CALHM1: variants seen among roughly 807,000 people sequenced by gnomAD.
CALHM1 encodes calcium homeostasis modulator 1, also known as calcium homeostasis modulator protein 1.
In CALHM1, 11 loss-of-function variants were observed where a neutral mutation model predicts 14.8. The observed-to-expected ratio is 0.74, with a 90% CI of 0.47 to 1.23. The LOEUF (loss-of-function observed/expected upper bound fraction) is 1.23. CALHM1 is among the 50% of genes most tolerant of loss of function. CALHM1 has a pLI of 0.00. For missense variants in CALHM1, 458 were observed against 496.4 expected, an observed-to-expected ratio of 0.92 and a Z score of 0.74; for synonymous variants, 215 against 218.9, an observed-to-expected ratio of 0.98 and a Z score of 0.16.
At position 103,455,358 on chromosome 10, in the gene CALHM1, C is replaced by T; in HGVS notation, c.945G>A (p.Leu315=). Residue 315 remains leucine (L), a synonymous_variant, in exon 2 of 2, where the codon CTG becomes CTA. Transcript: ENST00000329905. ...SWHKCKPPLR[L]GQEEPPLMGN... The stretch of plus-strand genomic sequence containing the variant: ...CCATCAGCGGTGGCTCCTCCTGGCC[C>T]AGCCGCAGAGGCGGTTTGCATTTGT... 1 of 1,613,812 alleles carries T rather than the reference C, an allele frequency of 6.2e-7. No individual in the cohort carries two copies. Among genetic ancestry groups the T allele is most frequent in the Non-Finnish European group, 8.5e-7 (1 of 1,180,028 alleles).
In CALHM1 at chr10:103,458,731, C is replaced by A. The variant is rs774659797; in HGVS notation, c.21G>T (p.Met7Ile). The A allele has an allele frequency of 2.1e-5, 34 of 1,611,716 alleles. No homozygotes were observed. The Middle Eastern group carries it at 6.6e-4, about 31-fold the overall frequency. Residue 7 changes from methionine (M) to isoleucine (I), a missense_variant, in exon 1 of 2, where the codon ATG (methionine) becomes ATT (isoleucine). Met to Ile is a conservative substitution (Grantham distance 10, BLOSUM62 1). Coordinates refer to ENST00000329905, the MANE Select transcript of CALHM1 (RefSeq NM_001001412.4). This position sits in a 1 kb window ranked among gnomAD's most constrained non-coding sequence, Gnocchi z 4.9. ...GGTTGGACTGCAGGAACTGGAAGAT[C>A]ATCCGGAACTTGTCCATCATGCCCG... MMDKFR[M>I]IFQFLQSNQE... is the part of the protein sequence containing the mutation.
chr10:103,455,991 C>A (rs2033146348), intron 1 of CALHM1, among the ~76,000 whole-genome samples: 1 of 152,232 alleles, frequency 6.6e-6, no homozygotes, highest in Admixed American at 6.5e-5. Context: ...TGGCGGGGCA[C>A]CCAGGGCCCA....
In CALHM1 at chr10:103,454,546, G is replaced by A. The variant is rs900446769; in HGVS notation, c.*716C>T. On this transcript the variant is annotated 3_prime_UTR_variant, in exon 2 of 2. Transcript: ENST00000329905. The stretch of plus-strand genomic sequence containing the variant: ...ACCTGGATGTGACGGGGGTATTAAG[G>A]TGGTTTTTCAAAGACCCCTCTACAG... 1 of 152,198 alleles carries A rather than the reference G, an allele frequency of 6.6e-6. No homozygotes were observed. The highest frequency in any genetic ancestry group is 2.4e-5 in the African/African-American group (1 of 41,448). 9.4% of individuals were successfully genotyped at this position (152,198 alleles called of 1,614,324 possible).
Position 103,455,428 on chromosome 10 carries a change from C to T in CALHM1, c.875G>A (p.Gly292Asp), listed in dbSNP as rs2033134186. The change falls in exon 2 of 2, where the codon GGC becomes GAC. Residue 292 changes from glycine (G) to aspartate (D), a missense_variant. Physicochemically the swap from Gly to Asp is moderately conservative, Grantham distance 94. Transcript: ENST00000329905. Reference sequence around the variant, plus strand: ...GTTCATGGTGCCTTGATCCGTGATGCCACGCAGCTTCTCCCTTTCCTCCTC... The same window carrying T: ...GTTCATGGTGCCTTGATCCGTGATGTCACGCAGCTTCTCCCTTTCCTCCTC... ...GAEEEREKLR[G>D]ITDQGTMNRL... The T allele has an allele frequency of 4.3e-6, 7 of 1,613,912 alleles. No homozygotes were observed. Among genetic ancestry groups the T allele is most frequent in the African/African-American group, 1.3e-5 (1 of 74,954 alleles).
In CALHM1 at chr10:103,458,121, G is replaced by T; in HGVS notation, c.555+76C>A. ...CCTGAGCAGAGGCCCCATTTTGAGA[G>T]GTAGGGGGATAGGGCCCTCCCAGAG... On this transcript the variant is annotated intron_variant, in intron 1 of 1. Transcript: ENST00000329905. This position sits in a 1 kb window ranked among gnomAD's most constrained non-coding sequence, Gnocchi z 4.9. 1 of 1,528,026 alleles carries T rather than the reference G, an allele frequency of 6.5e-7. No individual in the cohort carries two copies. The highest frequency in any genetic ancestry group is 1.2e-5 in the South Asian group (1 of 86,520). The allele number at this position is 1,528,026 out of a possible 1,614,324, so 94.7% of individuals were successfully genotyped here. A position where few individuals can be genotyped will look rare whatever the true frequency, so the allele number is the denominator to read the frequency against.
rs900838996 is a variant in CALHM1 at position 103,453,970 on chromosome 10, C to T, written c.*1292G>A. Reference sequence around the variant, plus strand: ...GAATCATGCCAAGATCAAAATGAATCCTTAGATGCTTGGGACTTATGTCTC... The same window carrying T: ...GAATCATGCCAAGATCAAAATGAATTCTTAGATGCTTGGGACTTATGTCTC... On this transcript the variant is annotated 3_prime_UTR_variant, in exon 2 of 2. Coordinates refer to ENST00000329905, the MANE Select transcript of CALHM1 (RefSeq NM_001001412.4). 6.6e-6 allele frequency: 1 copy of T among 152,222 alleles called. No individual in the cohort carries two copies. Among genetic ancestry groups the T allele is most frequent in the Non-Finnish European group, 1.5e-5 (1 of 68,052 alleles). 9.4% of individuals were successfully genotyped at this position (152,222 alleles called of 1,614,324 possible).
Position 103,454,749 on chromosome 10 carries a change from CT to C in CALHM1, c.*512del, listed in dbSNP as rs1403324729. The C allele has an allele frequency of 6.2e-6, 1 of 160,502 alleles. No homozygotes were observed. Among genetic ancestry groups the C allele is most frequent in the African/African-American group, 2.4e-5 (1 of 41,532 alleles). 9.9% of individuals were successfully genotyped at this position (160,502 alleles called of 1,614,324 possible). A position where few individuals can be genotyped will look rare whatever the true frequency, so the allele number is the denominator to read the frequency against. On this transcript the variant is annotated 3_prime_UTR_variant, in exon 2 of 2. Transcript: ENST00000329905. ...CACCAGGTAGGCTGTGTGTCATGTCCTTATGGACCTGCCCCGGCACACCCAG... is the reference window on the plus strand; with the variant it reads ...CACCAGGTAGGCTGTGTGTCATGTCCTATGGACCTGCCCCGGCACACCCAG...
In CALHM1 at chr10:103,458,198, T is replaced by G. The variant is rs1468983275; in HGVS notation, c.554A>C (p.Gln185Pro). Residue 185 changes from glutamine (Q) to proline (P), a missense_variant and splice_region_variant, in exon 1 of 2, where the codon CAG becomes CCG. Coordinates refer to ENST00000329905, the MANE Select transcript of CALHM1 (RefSeq NM_001001412.4). This position sits in a 1 kb window ranked among gnomAD's most constrained non-coding sequence, Gnocchi z 4.9. ...GCGTGAAGCCATGCGGCCCCTCACC[T>G]GGGAGATGCAGCGGAGGTAACGCAC... Reference protein sequence around the residue: ...VAVRYLRCISQALGWSFVLLT... With the variant: ...VAVRYLRCISPALGWSFVLLT... 3.1e-6 allele frequency: 5 copies of G among 1,612,326 alleles called. No homozygotes were observed. Among genetic ancestry groups the G allele is most frequent in the African/African-American group, 1.3e-5 (1 of 74,906 alleles).
Position 103,458,692 on chromosome 10 carries a change from C to A in CALHM1, c.60G>T (p.Met20Ile), listed in dbSNP as rs2033187600. The change falls in exon 1 of 2, where the codon ATG becomes ATT. Residue 20 changes from methionine to isoleucine, a missense_variant. Transcript: ENST00000329905. The surrounding 1 kb of genome is among the most constrained non-coding windows in gnomAD (Gnocchi z 4.9). ...GGGCCATGATGCCACAGATGCCATT[C>A]ATGAAGGACTCCTGGTTGGACTGCA... is the stretch of plus-strand genomic sequence containing the variant. The part of the protein sequence containing the change: ...QFLQSNQESF[M>I]NGICGIMALA... 11 of 1,614,012 alleles carry A rather than the reference C, an allele frequency of 6.8e-6. No homozygotes were observed. In the Middle Eastern group the frequency reaches 4.9e-4, roughly 72 times the overall value.
At position 103,458,332 on chromosome 10, in the gene CALHM1, G is replaced by A. The variant is rs370553024; in HGVS notation, c.420C>T (p.Asn140=). 2.1e-4 allele frequency: 344 copies of A among 1,610,972 alleles called. 1 individual carries two copies. The highest frequency in any genetic ancestry group is 1.0e-3 in the East Asian group (45 of 44,826). Residue 140 remains asparagine, a synonymous_variant, in exon 1 of 2, where the codon AAC becomes AAT. Transcript: ENST00000329905. The surrounding 1 kb of genome is among the most constrained non-coding windows in gnomAD (Gnocchi z 4.9). ...CTAVPVSALG[N]GSLAPGLPAP... The stretch of plus-strand genomic sequence containing the variant: ...CAGGAAGGCCGGGTGCCAGGCTGCC[G>A]TTGCCCAGTGCGCTCACGGGCACGG...
In CALHM1 at chr10:103,458,554, C is replaced by T. The variant is rs750075778; in HGVS notation, c.198G>A (p.Leu66=). The change falls in exon 1 of 2, where the codon CTG becomes CTA. Residue 66 remains leucine, a synonymous_variant. Transcript: ENST00000329905. The surrounding 1 kb of genome is among the most constrained non-coding windows in gnomAD (Gnocchi z 4.9). ...CGTTGTTGTTCATGACCAGGCCAAG[C>T]AGAAAGAGCACCAGGGGTGGCGCCA... ...ILLAPPLVLF[L]LGLVMNNNVS... The T allele has an allele frequency of 9.3e-6, 15 of 1,613,722 alleles. No homozygotes were observed. The highest frequency in any genetic ancestry group is 1.3e-5 in the Non-Finnish European group (15 of 1,180,048).
chr10:103,457,170 A>C (rs1230487499), intron 1 of CALHM1, among the ~76,000 whole-genome samples: 1 of 152,234 alleles, frequency 6.6e-6, no homozygotes, highest in Non-Finnish European at 1.5e-5. Flanking sequence ...AGGCCAAATG[A>C]AACATGTATA....
Position 103,458,133 on chromosome 10 carries a change from G to T in CALHM1, c.555+64C>A. On this transcript the variant is annotated intron_variant, in intron 1 of 1. Transcript: ENST00000329905. This position sits in a 1 kb window ranked among gnomAD's most constrained non-coding sequence, Gnocchi z 4.9. ...CCCCATTTTGAGAGGTAGGGGGATA[G>T]GGCCCTCCCAGAGGGACCTTGATCT... The T allele has an allele frequency of 6.4e-7, 1 of 1,573,732 alleles. No homozygotes were observed. Among genetic ancestry groups the T allele is most frequent in the Non-Finnish European group, 8.7e-7 (1 of 1,155,018 alleles).
Position 103,455,110 on chromosome 10 carries a change from C to T in CALHM1, c.*152G>A. 1 of 1,191,294 alleles carries T rather than the reference C, an allele frequency of 8.4e-7. No homozygotes were observed. Among genetic ancestry groups the T allele is most frequent in the Non-Finnish European group, 1.1e-6 (1 of 877,094 alleles). The allele number at this position is 1,191,294 out of a possible 1,614,324, so 73.8% of individuals were successfully genotyped here. A position where few individuals can be genotyped will look rare whatever the true frequency, so the allele number is the denominator to read the frequency against. On this transcript the variant is annotated 3_prime_UTR_variant, in exon 2 of 2. Transcript: ENST00000329905. ...AGATCCCCTTCCAGCTCCAAATTTC[C>T]TGCCTCCAATGGGCAGGCGAGTGCT...
rs768566602 is a variant in CALHM1, at chr10:103,455,588, C to T, written c.715G>A (p.Ala239Thr). The T allele has an allele frequency of 1.2e-5, 20 of 1,613,996 alleles. No homozygotes were observed. The highest frequency in any genetic ancestry group is 2.2e-5 in the South Asian group (2 of 91,082). ...KLFDETCTEH[A>T]KAFAKVCIQQ... ...ATGCAGACCTTGGCAAAGGCTTTGG[C>T]GTGCTCCGTGCACGTCTCGTCGAAG... Residue 239 changes from alanine (A) to threonine (T), a missense_variant, in exon 2 of 2, where the codon GCC (alanine) becomes ACC (threonine). Ala to Thr is a moderately conservative substitution (Grantham distance 58). Coordinates refer to ENST00000329905, the MANE Select transcript of CALHM1 (RefSeq NM_001001412.4).
chr10:103,458,279 C>A lies in CALHM1; in HGVS notation c.473G>T (p.Arg158Leu). The A allele has an allele frequency of 6.2e-7, 1 of 1,612,554 alleles. No homozygotes were observed. The highest frequency in any genetic ancestry group is 1.1e-5 in the South Asian group (1 of 91,048). ...ATCGTAGATCTCAGGGCAGGGCACC[C>A]GGGCCAGCAGGCGGGCGAGCTCGGG... ...PAPELARLLARVPCPEIYDGD... is the reference protein window; with the variant it reads ...PAPELARLLALVPCPEIYDGD... Residue 158 changes from arginine to leucine, a missense_variant, in exon 1 of 2, where the codon CGG becomes CTG. By Grantham distance (102) the Arg-to-Leu change is moderately radical. Transcript: ENST00000329905. The surrounding 1 kb of genome is among the most constrained non-coding windows in gnomAD (Gnocchi z 4.9).
chr10:103,458,163 G>T lies in CALHM1; in HGVS notation c.555+34C>A. ...CTCCCAGAGGGACCTTGATCTGCCA[G>T]GGAGACCCAGCGTGAAGCCATGCGG... On this transcript the variant is annotated intron_variant, in intron 1 of 1. Coordinates refer to ENST00000329905, the MANE Select transcript of CALHM1 (RefSeq NM_001001412.4). The surrounding 1 kb of genome is among the most constrained non-coding windows in gnomAD (Gnocchi z 4.9). 1 of 1,608,830 alleles carries T rather than the reference G, an allele frequency of 6.2e-7. No individual in the cohort carries two copies. Among genetic ancestry groups the T allele is most frequent in the Non-Finnish European group, 8.5e-7 (1 of 1,178,888 alleles).
chr10:103,454,442 G>A lies in CALHM1; in HGVS notation c.*820C>T, dbSNP rs754806278. 3.9e-5 allele frequency: 6 copies of A among 152,222 alleles called. No individual in the cohort carries two copies. Among genetic ancestry groups the A allele is most frequent in the Non-Finnish European group, 7.3e-5 (5 of 68,046 alleles). 9.4% of individuals were successfully genotyped at this position (152,222 alleles called of 1,614,324 possible). On this transcript the variant is annotated 3_prime_UTR_variant, in exon 2 of 2. Coordinates refer to ENST00000329905, the MANE Select transcript of CALHM1 (RefSeq NM_001001412.4). The stretch of plus-strand genomic sequence containing the variant: ...TAGAACTCCATCCCCAAGAGGTGGG[G>A]TCTTTGAGAAAAATGGAGAGACTTC...
Position 103,458,419 on chromosome 10 carries a change from A to G in CALHM1, c.333T>C (p.Pro111=). ...GTAGCGTGACGGCCACCCAGACGAC[A>G]GGCGCGATGAGGGCGCGCTGGGCCA... is the stretch of plus-strand genomic sequence containing the variant. ...CSMAQRALIA[P]VVWVAVTLLD... is the part of the protein sequence containing the mutation. The change falls in exon 1 of 2, where the codon CCT becomes CCC. Residue 111 remains proline, a synonymous_variant. Coordinates refer to ENST00000329905, the MANE Select transcript of CALHM1 (RefSeq NM_001001412.4). The surrounding 1 kb of genome is among the most constrained non-coding windows in gnomAD (Gnocchi z 4.9). 6.2e-7 allele frequency: 1 copy of G among 1,609,430 alleles called. No homozygotes were observed. The highest frequency in any genetic ancestry group is 8.5e-7 in the Non-Finnish European group (1 of 1,177,152).
Sources: allele counts gnomAD v4.1 joint callset (sites outside exome capture counted in the v4.1 genomes callset), GRCh38; gene constraint gnomAD v4.1.1; non-coding constraint Gnocchi (gnomAD v3.1); transcripts MANE v1.5; gene names NCBI Gene and HGNC (gene_info 2026-07-23, HGNC 2026-07-21).